Variants in SYT1 observed in about 807,000 individuals in gnomAD.
SYT1 encodes the protein synaptotagmin-1.
SYT1 carries 8 observed loss-of-function variants against 44.8 expected under a neutral mutation model. The observed-to-expected ratio is 0.18, with a 90% CI of 0.10 to 0.32. The LOEUF (loss-of-function observed/expected upper bound fraction) is 0.32, where lower values mean the gene tolerates loss of function less well. Ranked by LOEUF, SYT1 falls within the 10% of genes least tolerant of loss-of-function variation. SYT1 has a pLI of 1.00. For synonymous variants in SYT1, 154 were observed against 188.8 expected (o/e 0.82, Z 1.51); for missense variants, 286 against 509.3 (o/e 0.56, Z 4.22).
intron 9 of SYT1, among the ~76,000 whole-genome samples, chr12:79,432,023 G>A (rs1869820858): frequency 6.6e-6 from 1 of 151,980 alleles, no homozygotes; most frequent in Non-Finnish European, 1.5e-5. Context: ...AATCACATTT[G>A]GTCATCAATG....
chr12:79,011,168 C>T (rs959422886), intron 2 of SYT1, among the ~76,000 whole-genome samples: 1 of 152,100 alleles, frequency 6.6e-6, no homozygotes, highest in African/African-American at 2.4e-5. Context: ...AAGGAAGAGA[C>T]CACAGTCTTC....
At chr12:78,910,665 G>C (rs1450204534) in intron 1 of SYT1, among the ~76,000 whole-genome samples, 2 of 151,932 alleles carry the variant, frequency 1.3e-5, no homozygotes, top group African/African-American at 4.8e-5. Context: ...GACAAATAGA[G>C]TAATTAGATA....
rs76089660 is a variant in SYT1, at chr12:79,127,648, C to T, written c.-18+80286C>T. ...GAACATGAAAATGACTATCACATAG[C>T]AGTTCAACATGTCTGTTGTTTTCAT... On this transcript the variant is annotated intron_variant, in intron 3 of 10. Transcript: ENST00000261205. Among the ~76,000 whole-genome samples the T allele has an allele frequency of 2.9e-3, 444 of 152,278 alleles. 2 individuals are homozygous for T. Among genetic ancestry groups the T allele is most frequent in the Middle Eastern group, 6.8e-3 (2 of 294 alleles).
At chr12:79,158,152 T>C (rs1257316066) in intron 3 of SYT1, among the ~76,000 whole-genome samples, 1 of 152,130 alleles carries the variant, frequency 6.6e-6, no homozygotes, top group Non-Finnish European at 1.5e-5. Context: ...TACAAGTAAC[T>C]ACATATGTAC....
intron 1 of SYT1, among the ~76,000 whole-genome samples, chr12:78,913,950 G>A (rs7304440): frequency 0.76 from 115,813 of 151,554 alleles, 44,808 homozygotes; most frequent in African/African-American, 0.87. Flanking sequence ...ATTGAATTGG[G>A]TTTGCCTTGA....
chr12:78,876,280 TGA>T (rs1874063470), intron 1 of SYT1, among the ~76,000 whole-genome samples: 1 of 151,464 alleles, frequency 6.6e-6, no homozygotes, highest in Non-Finnish European at 1.5e-5. Context: ...GGTTGCTATA[TGA>T]TAGTAAACCA....
chr12:79,006,663 A>T (rs533726473), intron 2 of SYT1, among the ~76,000 whole-genome samples: 1 of 152,192 alleles, frequency 6.6e-6, no homozygotes, highest in African/African-American at 2.4e-5. Flanking sequence ...GTTATCTGAA[A>T]TATACTATGT....
chr12:79,286,555 T>C (rs1318095931), intron 5 of SYT1, among the ~76,000 whole-genome samples: 1 of 152,186 alleles, frequency 6.6e-6, no homozygotes, highest in Non-Finnish European at 1.5e-5. Flanking sequence ...GTTTTCTTTC[T>C]TATTTCTTAT....
At chr12:78,962,025 G>C (rs905965630) in intron 1 of SYT1, among the ~76,000 whole-genome samples, 2 of 152,020 alleles carry the variant, frequency 1.3e-5, no homozygotes, top group Non-Finnish European at 2.9e-5. Context: ...TATGTTGTTT[G>C]TTGTTTTATA....
intron 4 of SYT1, among the ~76,000 whole-genome samples, chr12:79,238,669 C>T (rs907923523): frequency 6.6e-6 from 1 of 152,202 alleles, no homozygotes; most frequent in Non-Finnish European, 1.5e-5. Context: ...GTTTTCATTA[C>T]CAAAGGCAGA....
intron 3 of SYT1, among the ~76,000 whole-genome samples, chr12:79,077,968 T>C (rs927764093): frequency 3.9e-5 from 6 of 152,190 alleles, no homozygotes; most frequent in African/African-American, 1.4e-4. Context: ...TCTGAAATAT[T>C]TTTGCATTAG....
chr12:78,978,856 G>A (rs534235905), intron 2 of SYT1, among the ~76,000 whole-genome samples: 11 of 152,170 alleles, frequency 7.2e-5, no homozygotes, highest in African/African-American at 2.4e-4. Context: ...ACAGTGGATC[G>A]CCAATACAAA....
intron 3 of SYT1, among the ~76,000 whole-genome samples, chr12:79,088,221 G>T (rs1877515043): frequency 6.6e-6 from 1 of 151,822 alleles, no homozygotes; most frequent in African/African-American, 2.4e-5. Context: ...ATTAGTAACT[G>T]GCTAGTTACT....
At chr12:79,446,657 G>A (rs951090040) in intron 10 of SYT1, among the ~76,000 whole-genome samples, 2 of 152,008 alleles carry the variant, frequency 1.3e-5, no homozygotes, top group Non-Finnish European at 2.9e-5. Context: ...ATTTTCACAT[G>A]GTGTCAAATT....
intron 4 of SYT1, among the ~76,000 whole-genome samples, chr12:79,260,768 G>C (rs780034659): frequency 1.3e-5 from 2 of 151,138 alleles, no homozygotes; most frequent in Non-Finnish European, 2.9e-5. Flanking sequence ...ATTTTTCTAA[G>C]GAAAAAATTA....
chr12:79,176,852 A>C (rs1871904546), intron 3 of SYT1, among the ~76,000 whole-genome samples: 1 of 151,998 alleles, frequency 6.6e-6, no homozygotes, highest in Admixed American at 6.6e-5. Context: ...GTAGTTTACA[A>C]TACTACTACA....
intron 1 of SYT1, among the ~76,000 whole-genome samples, chr12:78,953,911 A>T (rs977400631): frequency 1.4e-4 from 22 of 151,918 alleles, no homozygotes; most frequent in African/African-American, 2.7e-4. Flanking sequence ...TATTTTTTTT[A>T]AAAATCCTCA....
At chr12:79,351,267 A>G (rs891886338) in intron 8 of SYT1, among the ~76,000 whole-genome samples, 1 of 152,178 alleles carries the variant, frequency 6.6e-6, no homozygotes, top group African/African-American at 2.4e-5. Context: ...GAAGATAAAT[A>G]TTATGTAAAA....
intron 1 of SYT1, among the ~76,000 whole-genome samples, chr12:78,942,863 T>C (rs1189915372): frequency 6.6e-6 from 1 of 152,176 alleles, no homozygotes; most frequent in African/African-American, 2.4e-5. Flanking sequence ...TGGTTGACCC[T>C]GCAGCCATGA....
Sources: gnomAD v4.1 joint callset for allele counts (sites outside exome capture counted in the v4.1 genomes callset) on GRCh38, gnomAD v4.1.1 for gene constraint, MANE v1.5 for transcripts, NCBI Gene and HGNC (gene_info 2026-07-23, HGNC 2026-07-21) for gene names.